The following LRP1B variants were observed in gnomAD, a reference collection of about 807,000 sequenced individuals.
The protein encoded by LRP1B is LDL receptor related protein 1B.
Under a neutral mutation model 556.6 loss-of-function variants are expected in LRP1B, and 217 were observed. The ratio of observed to expected loss-of-function variants is 0.39; its 90% confidence interval spans 0.35 to 0.44. The LOEUF (loss-of-function observed/expected upper bound fraction) is 0.44. Among genes scored for constraint, LRP1B ranks in the 20% least tolerant of loss-of-function variants. The probability of loss-of-function intolerance (pLI) is 1.00; values close to 1 mark genes in which losing one functional copy is unlikely to be tolerated. For missense variants in LRP1B, 5,053 were observed against 5,620.8 expected, an observed-to-expected ratio of 0.90 and a Z score of 3.23; for synonymous variants, 2,047 against 1,865.8, an observed-to-expected ratio of 1.10 and a Z score of -2.50.
rs563079143 is a variant in LRP1B at position 140,369,124 on chromosome 2, C to T, written c.11008+1586G>A. On this transcript the variant is annotated intron_variant, in intron 71 of 90. Coordinates refer to ENST00000389484, the MANE Select transcript of LRP1B (RefSeq NM_018557.3). ...CTAGGATACAAATCATAAAGAGGTG[C>T]AGTGGAAAGTAAGTCTGGGAGGATA... 6.6e-5 allele frequency among the ~76,000 whole-genome samples: 10 copies of T among 151,890 alleles called. No individual in the cohort carries two copies. In the East Asian group the frequency reaches 1.6e-3, roughly 24 times the overall value.
intron 1 of LRP1B, among the ~76,000 whole-genome samples, chr2:141,851,333 C>A (rs1208085355): frequency 6.6e-6 from 1 of 151,686 alleles, no homozygotes; most frequent in Non-Finnish European, 1.5e-5. Flanking sequence ...GGTGACCATC[C>A]CCTAGGTATG....
At chr2:140,541,542 A>C (rs1680132592) in intron 44 of LRP1B, among the ~76,000 whole-genome samples, 2 of 152,246 alleles carry the variant, frequency 1.3e-5, no homozygotes, top group African/African-American at 4.8e-5. Flanking sequence ...GTGATGATAA[A>C]TTATGCAATA....
intron 2 of LRP1B, among the ~76,000 whole-genome samples, chr2:141,508,630 A>C (rs1684016066): frequency 2.4e-5 from 3 of 124,606 alleles, no homozygotes; most frequent in African/African-American, 9.0e-5. Context: ...CTAAAAGACA[A>C]TTATCCTGAC....
intron 7 of LRP1B, among the ~76,000 whole-genome samples, chr2:141,088,055 T>C (rs142858129): frequency 8.6e-4 from 131 of 152,298 alleles, no homozygotes; most frequent in Admixed American, 3.4e-3. Context: ...ACTGCTTTCC[T>C]GGTAGGGGGA....
At chr2:140,889,769 A>G (rs1693743903) in intron 23 of LRP1B, among the ~76,000 whole-genome samples, 1 of 152,166 alleles carries the variant, frequency 6.6e-6, no homozygotes, top group Non-Finnish European at 1.5e-5. Context: ...TTGACCCATG[A>G]TGGTAGCTAG....
chr2:140,599,901 G>C (rs1291687068), intron 42 of LRP1B, among the ~76,000 whole-genome samples: 1 of 151,938 alleles, frequency 6.6e-6, no homozygotes, highest in Non-Finnish European at 1.5e-5. Flanking sequence ...ACTTTGATTT[G>C]CGATTTAGGA....
intron 6 of LRP1B, among the ~76,000 whole-genome samples, chr2:141,209,905 A>G (rs1682469154): frequency 6.6e-6 from 1 of 152,216 alleles, no homozygotes. Context: ...GATTCTAGCA[A>G]TTATGCAAAA....
At chr2:141,286,415 A>T (rs978029838) in intron 3 of LRP1B, among the ~76,000 whole-genome samples, 1 of 152,142 alleles carries the variant, frequency 6.6e-6, no homozygotes, top group Non-Finnish European at 1.5e-5. Flanking sequence ...CATTGTTACT[A>T]TTATTAAAAT....
intron 63 of LRP1B, among the ~76,000 whole-genome samples, chr2:140,448,600 G>C (rs1686762640): frequency 2.6e-5 from 4 of 152,024 alleles, no homozygotes. Flanking sequence ...ACCAGAGGCT[G>C]GAGATTGGGG....
intron 57 of LRP1B, among the ~76,000 whole-genome samples, chr2:140,491,288 A>C (rs1168694812): frequency 2.6e-5 from 4 of 152,148 alleles, no homozygotes; most frequent in Admixed American, 2.6e-4. Context: ...AATATTCTAA[A>C]GAGATAACTT....
intron 31 of LRP1B, among the ~76,000 whole-genome samples, chr2:140,836,395 C>A (rs1372061094): frequency 6.6e-6 from 1 of 152,094 alleles, no homozygotes; most frequent in Non-Finnish European, 1.5e-5. Context: ...TTTTTCCCAA[C>A]CATGTTGTCC....
At chr2:141,488,976 T>TTG (rs1553520684) in intron 2 of LRP1B, among the ~76,000 whole-genome samples, 39,739 of 149,670 alleles carry the variant, frequency 0.27, 6,400 homozygotes, top group East Asian at 0.49. Context: ...TTTTTTTTTG[T>TTG]TTGTTTGTTT....
At chr2:140,669,491 T>C (rs951664624) in intron 41 of LRP1B, among the ~76,000 whole-genome samples, 5 of 152,102 alleles carry the variant, frequency 3.3e-5, no homozygotes, top group African/African-American at 1.2e-4. Context: ...GAAGTATCCA[T>C]GGAAGAGGAA....
chr2:141,229,509 T>A (rs2105294893), intron 5 of LRP1B, 69 bp from the exon 6 acceptor site: 1 of 1,171,578 alleles, frequency 8.5e-7, no homozygotes, highest in Non-Finnish European at 1.2e-6. Context: ...TTTGCCCTAG[T>A]TATTGAAAGC....
chr2:141,823,666 A>G (rs1696829382), intron 1 of LRP1B, among the ~76,000 whole-genome samples: 1 of 152,156 alleles, frequency 6.6e-6, no homozygotes, highest in Admixed American at 6.5e-5. Flanking sequence ...GGCTGAACTA[A>G]GATTTTGCTG....
chr2:140,769,350 T>G lies in LRP1B; in HGVS notation c.5627-6A>C, dbSNP rs1689225023. On this transcript the variant is annotated splice_region_variant and splice_polypyrimidine_tract_variant and intron_variant, in intron 34 of 90. Transcript: ENST00000389484. Reference sequence around the variant, plus strand: ...CATAAGAAATGATTCTATACCTAAATGCAGGGCCGGAGATAAGGGGGGGAA... The same window carrying G: ...CATAAGAAATGATTCTATACCTAAAGGCAGGGCCGGAGATAAGGGGGGGAA... 1 of 1,598,076 alleles carries G rather than the reference T, an allele frequency of 6.3e-7. No homozygotes were observed. Among genetic ancestry groups the G allele is most frequent in the Middle Eastern group, 1.7e-4 (1 of 6,020 alleles).
chr2:141,442,796 A>G (rs1357368391), intron 3 of LRP1B, among the ~76,000 whole-genome samples: 1 of 152,158 alleles, frequency 6.6e-6, no homozygotes, highest in African/African-American at 2.4e-5. Flanking sequence ...TCCATGGTGT[A>G]TATGTGCCAC....
chr2:141,877,914 G>A (rs780172639), intron 1 of LRP1B, among the ~76,000 whole-genome samples: 68 of 151,762 alleles, frequency 4.5e-4, no homozygotes, highest in Non-Finnish European at 2.1e-4. Flanking sequence ...CGTGCACCTG[G>A]GCTTATAGTA....
intron 3 of LRP1B, among the ~76,000 whole-genome samples, chr2:141,257,869 G>A (rs938194037): frequency 1.3e-5 from 2 of 152,114 alleles, no homozygotes; most frequent in African/African-American, 4.8e-5. Flanking sequence ...TATTTGAACT[G>A]CTTAGCATTT....
Sources: gnomAD v4.1 joint callset for allele counts (sites outside exome capture counted in the v4.1 genomes callset) on GRCh38, gnomAD v4.1.1 for gene constraint, MANE v1.5 for transcripts, NCBI Gene and HGNC (gene_info 2026-07-23, HGNC 2026-07-21) for gene names.